CSMD1: variants seen among roughly 807,000 people sequenced by gnomAD.
The protein encoded by CSMD1 is CUB and Sushi multiple domains 1.
CSMD1 carries 213 observed loss-of-function variants against 417.5 expected under a neutral mutation model. The observed-to-expected ratio is 0.51, with a 90% CI of 0.46 to 0.57. CSMD1 has a LOEUF of 0.57. Among genes scored for constraint, CSMD1 ranks in the 20% least tolerant of loss-of-function variants. CSMD1 has a pLI of 0.00. For synonymous variants in CSMD1, 2,862 were observed against 1,736.8 expected, an observed-to-expected ratio of 1.65 and a Z score of -16.11; for missense variants, 6,923 against 4,529.7, an observed-to-expected ratio of 1.53 and a Z score of -15.17.
At chr8:3,486,955 T>C (rs1032831823) in intron 11 of CSMD1, among the ~76,000 whole-genome samples, 1 of 152,182 alleles carries the variant, frequency 6.6e-6, no homozygotes, top group African/African-American at 2.4e-5. Flanking sequence ...TGGGCAGCCC[T>C]AGCCATCCTG....
intron 4 of CSMD1, among the ~76,000 whole-genome samples, chr8:4,006,433 T>A (rs1816119546): frequency 6.6e-6 from 1 of 152,086 alleles, no homozygotes; most frequent in African/African-American, 2.4e-5. Flanking sequence ...AATTCCAGCT[T>A]CTTGGGAGGC....
intron 2 of CSMD1, among the ~76,000 whole-genome samples, chr8:4,590,513 A>G (rs1799932853): frequency 6.6e-6 from 1 of 152,164 alleles, no homozygotes; most frequent in Admixed American, 6.5e-5. Flanking sequence ...ATATATTTGA[A>G]GCGCTAGCAT....
In CSMD1 at chr8:3,682,845, T is replaced by C. The variant is rs1200374229; in HGVS notation, c.1009+25569A>G. Among the ~76,000 whole-genome samples, 5 of 152,196 alleles carry C rather than the reference T, an allele frequency of 3.3e-5. No homozygotes were observed. The East Asian group carries it at 9.6e-4, about 29-fold the overall frequency. ...AAGAAAATGTGGCACATATACACCA[T>C]GGAATACTATGTAGCCATAAAAAAT... On this transcript the variant is annotated intron_variant, in intron 7 of 69. Coordinates refer to ENST00000635120, the MANE Select transcript of CSMD1 (RefSeq NM_033225.6).
chr8:4,914,623 G>C (rs1457309376), intron 1 of CSMD1, among the ~76,000 whole-genome samples: 1 of 151,432 alleles, frequency 6.6e-6, no homozygotes, highest in Non-Finnish European at 1.5e-5. Context: ...GAAATATAAC[G>C]GTCGCCTTTA....
intron 1 of CSMD1, among the ~76,000 whole-genome samples, chr8:4,816,842 G>T (rs1206168869): frequency 6.6e-6 from 1 of 152,104 alleles, no homozygotes; most frequent in Non-Finnish European, 1.5e-5. Context: ...GCAATTAATG[G>T]TATACAGGAA....
chr8:3,926,672 A>G (rs2129147144), intron 5 of CSMD1, among the ~76,000 whole-genome samples: 1 of 151,398 alleles, frequency 6.6e-6, no homozygotes, highest in East Asian at 1.9e-4. Context: ...TTTTATGTGA[A>G]ACACATTTGA....
intron 3 of CSMD1, among the ~76,000 whole-genome samples, chr8:4,214,547 C>G (rs1800517433): frequency 6.6e-6 from 1 of 152,202 alleles, no homozygotes; most frequent in African/African-American, 2.4e-5. Context: ...GTCTGTCTGA[C>G]TTGGCCTCCC....
rs186532064 is a variant in CSMD1 at position 4,970,462 on chromosome 8, G to A, written c.85+23870C>T. 1.1e-3 allele frequency among the ~76,000 whole-genome samples: 169 copies of A among 152,020 alleles called. 2 individuals are homozygous for A. Among genetic ancestry groups the A allele is most frequent in the Non-Finnish European group, 1.8e-3 (119 of 67,978 alleles). ...ATGTTTATGTGACCAAAATGACATCGGTCATTTATGAGCTCCATTATAACC... is the reference window on the plus strand; with the variant it reads ...ATGTTTATGTGACCAAAATGACATCAGTCATTTATGAGCTCCATTATAACC... On this transcript the variant is annotated intron_variant, in intron 1 of 69. Coordinates refer to ENST00000635120, the MANE Select transcript of CSMD1 (RefSeq NM_033225.6).
intron 1 of CSMD1, among the ~76,000 whole-genome samples, chr8:4,957,402 G>C (rs533538491): frequency 6.6e-6 from 1 of 152,136 alleles, no homozygotes; most frequent in Non-Finnish European, 1.5e-5. Context: ...ACAAATCTAC[G>C]GGCACTATGG....
At chr8:3,246,089 C>G (rs1016028607) in intron 26 of CSMD1, among the ~76,000 whole-genome samples, 2 of 152,152 alleles carry the variant, frequency 1.3e-5, no homozygotes, top group South Asian at 2.1e-4. Flanking sequence ...TGCACTGCAT[C>G]TAGGAAGATC....
At chr8:4,869,222 A>G (rs1802589921) in intron 1 of CSMD1, among the ~76,000 whole-genome samples, 1 of 152,020 alleles carries the variant, frequency 6.6e-6, no homozygotes, top group Non-Finnish European at 1.5e-5. Flanking sequence ...GTATTTTCCC[A>G]TAGAAAAGCA....
At position 3,931,989 on chromosome 8, in the gene CSMD1, A is replaced by G. The variant is rs1584987848; in HGVS notation, c.818+65914T>C. Among the ~76,000 whole-genome samples the G allele has an allele frequency of 2.7e-5, 4 of 150,002 alleles. 1 individual carries two copies. On this transcript the variant is annotated intron_variant, in intron 5 of 69. Coordinates refer to ENST00000635120, the MANE Select transcript of CSMD1 (RefSeq NM_033225.6). Reference sequence around the variant, plus strand: ...AAAAATTAAAATAGTATTGATTTAGATGTAGAAATGGGGGAAAGGAGAAAA... The same window carrying G: ...AAAAATTAAAATAGTATTGATTTAGGTGTAGAAATGGGGGAAAGGAGAAAA...
At chr8:3,810,406 G>T (rs564656967) in intron 5 of CSMD1, among the ~76,000 whole-genome samples, 2 of 152,172 alleles carry the variant, frequency 1.3e-5, no homozygotes, top group Non-Finnish European at 2.9e-5. Context: ...GGAGAGCTAA[G>T]TCCAAGTGTT....
chr8:4,958,361 T>G (rs78381907), intron 1 of CSMD1, among the ~76,000 whole-genome samples: 3,436 of 152,256 alleles, frequency 0.023, 114 homozygotes, highest in African/African-American at 0.073. Context: ...ATGGTTGATC[T>G]TTACCCACCT....
chr8:3,605,316 C>G (rs188531873), intron 8 of CSMD1, among the ~76,000 whole-genome samples: 13 of 152,286 alleles, frequency 8.5e-5, no homozygotes, highest in African/African-American at 3.1e-4. Context: ...GAAAAGAACA[C>G]CACATTTACT....
intron 26 of CSMD1, among the ~76,000 whole-genome samples, chr8:3,274,925 T>G (rs1802159915): frequency 6.6e-6 from 1 of 152,218 alleles, no homozygotes; most frequent in Admixed American, 6.5e-5. Context: ...TTAGTCCATT[T>G]ACATTTAAAG....
chr8:3,155,358 G>GTTTTTTTTTTTTTTTTTTTTTTTTTTT (rs763097673), intron 39 of CSMD1, among the ~76,000 whole-genome samples: 1 of 48,092 alleles, frequency 2.1e-5, no homozygotes, highest in Non-Finnish European at 4.2e-5. Context: ...TCAAGGCTGG[G>GTTTTTTTTTTTTTTTTTTTTTTTTTTT]ATTTTTTTTT....
intron 12 of CSMD1, among the ~76,000 whole-genome samples, chr8:3,441,640 G>A (rs117419892): frequency 0.013 from 2,042 of 152,142 alleles, 22 homozygotes; most frequent in South Asian, 0.02. Context: ...AGTAGCCATT[G>A]ATCATAGCAC....
chr8:3,663,262 G>C (rs1431975416), intron 7 of CSMD1, among the ~76,000 whole-genome samples: 2 of 152,166 alleles, frequency 1.3e-5, no homozygotes, highest in Non-Finnish European at 2.9e-5. Flanking sequence ...AAGTGAGAGA[G>C]TGCTGATACT....
Sources: gnomAD v4.1 joint callset for allele counts (sites outside exome capture counted in the v4.1 genomes callset) on GRCh38, gnomAD v4.1.1 for gene constraint, MANE v1.5 for transcripts, NCBI Gene and HGNC (gene_info 2026-07-23, HGNC 2026-07-21) for gene names.